EBF1: variants seen among roughly 807,000 people sequenced by gnomAD.
The protein encoded by EBF1 is EBF transcription factor 1.
EBF1 carries 10 observed loss-of-function variants against 68.4 expected under a neutral mutation model. That is an observed-to-expected ratio of 0.15 (90% CI 0.09 to 0.25). EBF1 has a LOEUF of 0.25. EBF1 is among the 10% of genes least tolerant of loss of function. The pLI is 1.00. For missense variants in EBF1, 509 were observed against 794.4 expected (o/e 0.64, Z 4.32); for synonymous variants, 298 against 299.8 (o/e 0.99, Z 0.06).
intron 6 of EBF1, among the ~76,000 whole-genome samples, chr5:158,858,744 C>G (rs1219793013): frequency 2.0e-5 from 3 of 152,152 alleles, no homozygotes; most frequent in Non-Finnish European, 4.4e-5. Context: ...AAACGTGCCT[C>G]TATATTTCAC....
chr5:158,927,117 A>G (rs975439617), intron 6 of EBF1, among the ~76,000 whole-genome samples: 1 of 152,248 alleles, frequency 6.6e-6, no homozygotes, highest in African/African-American at 2.4e-5. Context: ...CAGCGGTATT[A>G]CTGTGGACAA....
intron 6 of EBF1, among the ~76,000 whole-genome samples, chr5:158,998,310 G>C (rs1761851183): frequency 6.6e-6 from 1 of 152,106 alleles, no homozygotes. Flanking sequence ...TCCTCGACAA[G>C]GCTTTCCTCC....
chr5:158,892,101 TACACAC>T (rs143094214), intron 6 of EBF1, among the ~76,000 whole-genome samples: 1,632 of 151,992 alleles, frequency 0.011, 14 homozygotes, highest in Non-Finnish European at 0.016. Flanking sequence ...CACATACACA[TACACAC>T]ACATATTTAT....
chr5:158,733,675 T>C (rs1015707835), intron 10 of EBF1, among the ~76,000 whole-genome samples: 2 of 152,204 alleles, frequency 1.3e-5, no homozygotes, highest in Non-Finnish European at 2.9e-5. Flanking sequence ...ATTTAAATAG[T>C]AAGGCAAGGG....
intron 4 of EBF1, among the ~76,000 whole-genome samples, chr5:159,091,542 G>A (rs1274077585): frequency 6.6e-6 from 1 of 152,132 alleles, no homozygotes; most frequent in Non-Finnish European, 1.5e-5. Flanking sequence ...ATATATGAAA[G>A]AAACTCTCTG....
At position 158,711,207 on chromosome 5, in the gene EBF1, C is replaced by T. The variant is rs1020395800; in HGVS notation, c.1549+947G>A. Among the ~76,000 whole-genome samples, 6 of 151,736 alleles carry T rather than the reference C, an allele frequency of 4.0e-5. No individual in the cohort carries two copies. The East Asian group carries it at 1.2e-3, about 29-fold the overall frequency. On this transcript the variant is annotated intron_variant, in intron 14 of 15. Transcript: ENST00000313708. The stretch of plus-strand genomic sequence containing the variant: ...CAAACACAAACAAAGGGGAAAAATC[C>T]AAGCATTAAAAAATAAAGGAGTCAT...
At chr5:158,731,528 T>C (rs1003277109) in intron 10 of EBF1, among the ~76,000 whole-genome samples, 1 of 152,246 alleles carries the variant, frequency 6.6e-6, no homozygotes, top group Non-Finnish European at 1.5e-5. Flanking sequence ...GTGGTATCTA[T>C]ACATTGTAAA....
At chr5:159,019,486 G>T (rs1406080119) in intron 6 of EBF1, among the ~76,000 whole-genome samples, 2 of 152,164 alleles carry the variant, frequency 1.3e-5, no homozygotes, top group Non-Finnish European at 1.5e-5. Flanking sequence ...TATAAAATGT[G>T]TAAAATCCAA....
chr5:158,906,971 C>T (rs933030181), intron 6 of EBF1, among the ~76,000 whole-genome samples: 37 of 152,298 alleles, frequency 2.4e-4, no homozygotes, highest in Admixed American at 1.8e-3. Flanking sequence ...AACCTCCTTA[C>T]GAAGAGGGGT....
At chr5:158,931,218 T>C (rs1165188939) in intron 6 of EBF1, among the ~76,000 whole-genome samples, 1 of 152,226 alleles carries the variant, frequency 6.6e-6, no homozygotes, top group Non-Finnish European at 1.5e-5. Flanking sequence ...TCACATTTTA[T>C]AACTTAAAGC....
intron 6 of EBF1, among the ~76,000 whole-genome samples, chr5:159,069,276 GTC>G (rs1428255199): frequency 4.0e-4 from 61 of 151,182 alleles, no homozygotes; most frequent in African/African-American, 1.4e-3. Flanking sequence ...TGCTCACATT[GTC>G]ACCCTTACTT....
chr5:158,725,915 C>T (rs1168800045), intron 11 of EBF1, among the ~76,000 whole-genome samples: 1 of 152,176 alleles, frequency 6.6e-6, no homozygotes, highest in East Asian at 1.9e-4. Flanking sequence ...TCATTCATCA[C>T]AAACTGTCAG....
At chr5:158,954,113 C>T (rs1473022520) in intron 6 of EBF1, among the ~76,000 whole-genome samples, 3 of 152,174 alleles carry the variant, frequency 2.0e-5, no homozygotes, top group African/African-American at 4.8e-5. Flanking sequence ...CTTTTCTACA[C>T]GATTAACCAT....
intron 6 of EBF1, among the ~76,000 whole-genome samples, chr5:159,031,084 G>T (rs892855706): frequency 7.0e-6 from 1 of 142,288 alleles, no homozygotes; most frequent in Non-Finnish European, 1.5e-5. Flanking sequence ...TGAGGCAGGA[G>T]AATCGCTTGA....
chr5:159,061,679 G>A (rs1775865398), intron 6 of EBF1, among the ~76,000 whole-genome samples: 1 of 152,054 alleles, frequency 6.6e-6, no homozygotes, highest in African/African-American at 2.4e-5. Flanking sequence ...ATCGAAACAT[G>A]GCTCAAGAAG....
Position 158,797,944 on chromosome 5 carries a change from G to A in EBF1, c.779-1469C>T, listed in dbSNP as rs147839059. 6.0e-3 allele frequency among the ~76,000 whole-genome samples: 915 copies of A among 152,258 alleles called. 14 individuals carry two copies. The highest frequency in any genetic ancestry group is 0.02 in the African/African-American group (844 of 41,540). ...TGATTTTTTAACATACATAGAGGTT[G>A]TGATCAGTGTTCCACAACTATAGGG... On this transcript the variant is annotated intron_variant, in intron 8 of 15. Coordinates refer to ENST00000313708, the MANE Select transcript of EBF1 (RefSeq NM_024007.5).
chr5:158,803,134 A>G (rs751678097), intron 8 of EBF1, among the ~76,000 whole-genome samples: 3 of 152,112 alleles, frequency 2.0e-5, no homozygotes, highest in Non-Finnish European at 2.9e-5. Context: ...CAAATTTTTG[A>G]GACTTGGCAG....
intron 6 of EBF1, among the ~76,000 whole-genome samples, chr5:158,943,843 TG>T (rs2127479962): frequency 6.6e-6 from 1 of 152,322 alleles, no homozygotes; most frequent in African/African-American, 2.4e-5. Flanking sequence ...GTCAATCAAG[TG>T]ACTTATAATC....
At chr5:159,015,182 C>T (rs1304508599) in intron 6 of EBF1, among the ~76,000 whole-genome samples, 2 of 152,142 alleles carry the variant, frequency 1.3e-5, no homozygotes, top group Non-Finnish European at 2.9e-5. Context: ...TGAGTAAAAC[C>T]TACCTCAGAG....
Sources: gnomAD v4.1 joint callset for allele counts (sites outside exome capture counted in the v4.1 genomes callset) on GRCh38, gnomAD v4.1.1 for gene constraint, MANE v1.5 for transcripts, NCBI Gene and HGNC (gene_info 2026-07-23, HGNC 2026-07-21) for gene names.